ANKRD42: variants seen among roughly 807,000 people sequenced by gnomAD.
ANKRD42 encodes ankyrin repeat domain 42, also known as ankyrin repeat domain-containing protein 42.
Under a neutral mutation model 51.5 loss-of-function variants are expected in ANKRD42, and 43 were observed. That is an observed-to-expected ratio of 0.83 (90% CI 0.65 to 1.08). The LOEUF is 1.08. ANKRD42 is among the 50% of genes least tolerant of loss of function. The probability of loss-of-function intolerance (pLI) is 0.00; values close to 1 mark genes in which losing one functional copy is unlikely to be tolerated. For missense variants in ANKRD42, 608 were observed against 629.3 expected, an observed-to-expected ratio of 0.97 and a Z score of 0.36; for synonymous variants, 203 against 213.0, an observed-to-expected ratio of 0.95 and a Z score of 0.41.
At chr11:83,235,536 C>T (rs749503682) in intron 7 of ANKRD42, among the ~76,000 whole-genome samples, 9 of 152,218 alleles carry the variant, frequency 5.9e-5, no homozygotes, top group Non-Finnish European at 8.8e-5. Context: ...TATTCATTCA[C>T]TCATCAACTC....
At chr11:83,217,376 T>C (rs753538632) in intron 5 of ANKRD42, among the ~76,000 whole-genome samples, 21 of 152,234 alleles carry the variant, frequency 1.4e-4, no homozygotes, top group Non-Finnish European at 2.2e-4. Flanking sequence ...TGTGGGACTT[T>C]TGGGCATAAC....
At chr11:83,241,723 C>T (rs1342090811) in intron 9 of ANKRD42, among the ~76,000 whole-genome samples, 1 of 152,044 alleles carries the variant, frequency 6.6e-6, no homozygotes, top group Non-Finnish European at 1.5e-5. Context: ...TTTTTCACTA[C>T]AAAATCTCAG....
downstream of ANKRD42, among the ~76,000 whole-genome samples, chr11:83,251,464 A>G (rs1024527214): frequency 5.3e-5 from 8 of 152,226 alleles, no homozygotes; most frequent in Non-Finnish European, 1.2e-4. Context: ...CTTTATATTC[A>G]GCAGATACCA....
chr11:83,212,965 C>T (rs750926178), intron 5 of ANKRD42: 21 of 1,564,726 alleles, frequency 1.3e-5, no homozygotes, highest in Admixed American at 2.0e-5. Flanking sequence ...CCTCTCTCGG[C>T]GCTGCCTACG....
intron 1 of ANKRD42, among the ~76,000 whole-genome samples, chr11:83,197,306 A>G (rs1861696932): frequency 6.6e-6 from 1 of 152,204 alleles, no homozygotes; most frequent in South Asian, 2.1e-4. Flanking sequence ...GGCGGAAAAA[A>G]AATGTATTAA....
intron 7 of ANKRD42, among the ~76,000 whole-genome samples, chr11:83,236,107 T>C (rs918544751): frequency 6.6e-6 from 1 of 152,234 alleles, no homozygotes. Context: ...AAACTACTTT[T>C]TACTAGCTGT....
chr11:83,258,701 A>G (rs1283921707), downstream of ANKRD42, among the ~76,000 whole-genome samples: 1 of 152,240 alleles, frequency 6.6e-6, no homozygotes, highest in East Asian at 1.9e-4. Flanking sequence ...AGTTTCAGTG[A>G]TAATGACTAC....
At chr11:83,235,604 G>C (rs1863200114) in intron 7 of ANKRD42, among the ~76,000 whole-genome samples, 1 of 152,188 alleles carries the variant, frequency 6.6e-6, no homozygotes, top group South Asian at 2.1e-4. Flanking sequence ...CTGAGGATAT[G>C]AAGATTATAG....
chr11:83,263,108 AAC>A (rs543058664), downstream of ANKRD42, among the ~76,000 whole-genome samples: 1 of 152,190 alleles, frequency 6.6e-6, no homozygotes, highest in African/African-American at 2.4e-5. Flanking sequence ...TTAATAAAAA[AAC>A]ACACACACAA....
chr11:83,225,091 T>G (rs1862836072), intron 6 of ANKRD42, 36 bp downstream of exon 6: 3 of 1,415,054 alleles, frequency 2.1e-6, no homozygotes, highest in Middle Eastern at 1.8e-4. Flanking sequence ...GCATATAATG[T>G]GATGATGATG....
chr11:83,211,659 A>G (rs112861384), intron 5 of ANKRD42, among the ~76,000 whole-genome samples: 6 of 151,422 alleles, frequency 4.0e-5, no homozygotes, highest in Non-Finnish European at 7.4e-5. Context: ...TAAAAGAAAG[A>G]AAAAAGCTGG....
chr11:83,198,706 G>A, intron 2 of ANKRD42, 64 bp downstream of exon 2: 1 of 1,440,488 alleles, frequency 6.9e-7, no homozygotes, highest in Non-Finnish European at 9.3e-7. Flanking sequence ...TGTAAATTTA[G>A]CAAACAGGGC....
chr11:83,223,646 G>A (rs1336078330), intron 5 of ANKRD42, among the ~76,000 whole-genome samples: 2 of 152,152 alleles, frequency 1.3e-5, no homozygotes, highest in African/African-American at 4.8e-5. Flanking sequence ...AGACTTTTAA[G>A]TGTAAATGAT....
downstream of ANKRD42, among the ~76,000 whole-genome samples, chr11:83,264,160 TC>T (rs1591027247): frequency 1.3e-5 from 2 of 152,148 alleles, no homozygotes; most frequent in East Asian, 3.8e-4. Context: ...TACAGTATTG[TC>T]CTTAATAATA....
chr11:83,248,565 G>A lies in ANKRD42; in HGVS notation c.*361G>A. 6.0e-6 allele frequency: 6 copies of A among 991,872 alleles called. No homozygotes were observed. The highest frequency in any genetic ancestry group is 6.0e-6 in the Non-Finnish European group (5 of 834,392). The allele number at this position is 991,872 out of a possible 1,614,324, so 61.4% of individuals were successfully genotyped here. On this transcript the variant is annotated 3_prime_UTR_variant, in exon 11 of 11. Coordinates refer to ENST00000533342, the MANE Select transcript of ANKRD42 (RefSeq NM_001300975.2). ...GGAATCCATATTTTCTTTCCATAGGGAAGTTTCTTCATCAATCATCATGGA... is the reference window on the plus strand; with the variant it reads ...GGAATCCATATTTTCTTTCCATAGGAAAGTTTCTTCATCAATCATCATGGA...
intron 6 of ANKRD42, 52 bp downstream of exon 6, chr11:83,225,107 G>A (rs573469522): frequency 2.7e-6 from 4 of 1,460,098 alleles, no homozygotes; most frequent in Non-Finnish European, 2.8e-6. Flanking sequence ...TGATGATGAT[G>A]ATAATATAAT....
chr11:83,212,978 G>A lies in ANKRD42; in HGVS notation c.586+1548G>A, dbSNP rs755320911. ...CCCCTCTCTCGGCGCTGCCTACGGA[G>A]GTGGCAGCCATCTCCTCCTCAGCAT... On this transcript the variant is annotated intron_variant, in intron 5 of 10. Coordinates refer to ENST00000533342, the MANE Select transcript of ANKRD42 (RefSeq NM_001300975.2). The A allele has an allele frequency of 1.9e-6, 3 of 1,595,124 alleles. No homozygotes were observed. In the East Asian group the frequency reaches 6.7e-5, roughly 36 times the overall value.
chr11:83,206,851 C>T (rs1219893080), intron 3 of ANKRD42, among the ~76,000 whole-genome samples: 1 of 152,146 alleles, frequency 6.6e-6, no homozygotes, highest in Non-Finnish European at 1.5e-5. Flanking sequence ...CAGGGTGACA[C>T]ATTAATATAT....
At chr11:83,258,879 G>A (rs1192209875), downstream of ANKRD42, among the ~76,000 whole-genome samples, 1 of 151,914 alleles carries the variant, frequency 6.6e-6, no homozygotes, top group East Asian at 1.9e-4. Flanking sequence ...CTCTTGCCTG[G>A]CCTATTTTGT....
Sources: allele counts gnomAD v4.1 joint callset (sites outside exome capture counted in the v4.1 genomes callset), GRCh38; gene constraint gnomAD v4.1.1; transcripts MANE v1.5; gene names NCBI Gene and HGNC (gene_info 2026-07-23, HGNC 2026-07-21).